PRPF8: variants seen among roughly 807,000 people sequenced by gnomAD.
PRPF8 encodes the protein pre-mRNA-processing-splicing factor 8.
A neutral mutation model predicts 285.9 loss-of-function variants in PRPF8; 64 were observed. That is an observed-to-expected ratio of 0.22 (90% CI 0.18 to 0.28). The LOEUF (loss-of-function observed/expected upper bound fraction) is 0.28, where lower values mean the gene tolerates loss of function less well. Ranked by LOEUF, PRPF8 falls within the 10% of genes least tolerant of loss-of-function variation. The pLI is 1.00. For missense variants in PRPF8, 1,426 were observed against 3,026.7 expected (o/e 0.47, Z 12.41); for synonymous variants, 1,325 against 1,118.2 (o/e 1.18, Z -3.69).
chr17:1,678,965 A>G, intron 11 of PRPF8, 52 bp downstream of exon 11: 1 of 1,613,694 alleles, frequency 6.2e-7, no homozygotes, highest in East Asian at 2.2e-5. Context: ...CCAGAGGAAA[A>G]CAACTGTCCG....
At chr17:1,664,332 T>A (rs1055270283) in intron 24 of PRPF8, among the ~76,000 whole-genome samples, 6 of 152,182 alleles carry the variant, frequency 3.9e-5, no homozygotes, top group Non-Finnish European at 8.8e-5. Flanking sequence ...TACTCCTCAG[T>A]AATCGATAGA....
At position 1,674,673 on chromosome 17, in the gene PRPF8, T is replaced by G; in HGVS notation, c.3068A>C (p.Asn1023Thr). The G allele has an allele frequency of 6.2e-7, 1 of 1,612,170 alleles. No individual in the cohort carries two copies. The highest frequency in any genetic ancestry group is 8.5e-7 in the Non-Finnish European group (1 of 1,178,416). ...GATGATCCCATATGAATTCGTATGG[T>G]TCATGTCCTAGAAAGAAAGAACTAC... ...NNVVINYKDM[N>T]HTNSYGIIRG... Residue 1023 changes from asparagine (N) to threonine (T), a missense_variant, in exon 21 of 43, where the codon AAC becomes ACC. Coordinates refer to ENST00000304992, the MANE Select transcript of PRPF8 (RefSeq NM_006445.4).
At chr17:1,682,329 G>A in intron 3 of PRPF8, 36 bp from the exon 4 acceptor site, 1 of 1,606,628 alleles carries the variant, frequency 6.2e-7, no homozygotes, top group Non-Finnish European at 8.5e-7. Flanking sequence ...TATCAGAAAT[G>A]ACGAGGTGTT....
chr17:1,676,685 C>T lies in PRPF8; in HGVS notation c.2208G>A (p.Glu736=). 6.2e-7 allele frequency: 1 copy of T among 1,614,134 alleles called. No homozygotes were observed. ...CCTTCACGTATCGAAGGATCATATT[C>T]TCTATGGGCGTCGGCAGCCCAGGGA... ...WKVPGLPTPI[E]NMILRYVKAK... Residue 736 remains glutamate, a synonymous_variant, in exon 16 of 43, where the codon GAG becomes GAA. Transcript: ENST00000304992. The surrounding 1 kb of genome is among the most constrained non-coding windows in gnomAD (Gnocchi z 6.3).
intron 24 of PRPF8, among the ~76,000 whole-genome samples, chr17:1,665,022 T>C (rs1911882165): frequency 6.6e-6 from 1 of 151,328 alleles, no homozygotes; most frequent in African/African-American, 2.4e-5. Flanking sequence ...TAGCTGGGTG[T>C]GGTGGCGGGC....
Position 1,673,882 on chromosome 17 carries a change from C to T in PRPF8, c.3310G>A (p.Asp1104Asn), listed in dbSNP as rs775388373. 6.8e-6 allele frequency: 11 copies of T among 1,613,502 alleles called. No homozygotes were observed. The highest frequency in any genetic ancestry group is 9.3e-6 in the Non-Finnish European group (11 of 1,180,004). ...CGTTGAATCAGGTCCCGAGCCTCAT[C>T]TGCTGTGAACCTACACCAGACCAGG... ...RIHIFFRFTA[D>N]EARDLIQRYL... is the part of the protein sequence containing the mutation. The change falls in exon 22 of 43, where the codon GAT (aspartate) becomes AAT (asparagine). Residue 1104 changes from aspartate to asparagine, a missense_variant. Asp to Asn is a conservative substitution (Grantham distance 23). This residue lies in a region of PRPF8 where 148 missense variants were observed against 196.2 expected (regional missense o/e 0.75). Transcript: ENST00000304992. This position sits in a 1 kb window ranked among gnomAD's most constrained non-coding sequence, Gnocchi z 5.5.
rs957586793 is a variant in PRPF8, at chr17:1,653,059, C to T, written c.6369+483G>A. 7.9e-6 allele frequency: 2 copies of T among 252,844 alleles called. No homozygotes were observed. Among genetic ancestry groups the T allele is most frequent in the African/African-American group, 4.5e-5 (2 of 44,912 alleles). 15.7% of individuals were successfully genotyped at this position (252,844 alleles called of 1,614,324 possible). On this transcript the variant is annotated intron_variant, in intron 39 of 42. Transcript: ENST00000304992. This position sits in a 1 kb window ranked among gnomAD's most constrained non-coding sequence, Gnocchi z 4.9. ...GTTCAAGCAATTCTCCTGTCTCAAC[C>T]TCCCTAGTAGCTGCAACTACGGGCG...
Position 1,679,912 on chromosome 17 carries a change from G to T in PRPF8, c.1099-113C>A. ...AGCCTGTATCTGCTATGGAAACTGGGCTGTCTGACAAAAGCAGCCCTGAAG... is the reference window on the plus strand; with the variant it reads ...AGCCTGTATCTGCTATGGAAACTGGTCTGTCTGACAAAAGCAGCCCTGAAG... On this transcript the variant is annotated intron_variant, in intron 8 of 42. Transcript: ENST00000304992. This position sits in a 1 kb window ranked among gnomAD's most constrained non-coding sequence, Gnocchi z 4.7. 1 of 1,296,332 alleles carries T rather than the reference G, an allele frequency of 7.7e-7. No homozygotes were observed. The allele number at this position is 1,296,332 out of a possible 1,614,324, so 80.3% of individuals were successfully genotyped here. A position where few individuals can be genotyped will look rare whatever the true frequency, so the allele number is the denominator to read the frequency against.
At chr17:1,678,680 G>A (rs764532202) in intron 12 of PRPF8, 28 bp from the exon 13 acceptor site, 1 of 1,614,100 alleles carries the variant, frequency 6.2e-7, no homozygotes, top group East Asian at 2.2e-5. Flanking sequence ...CATCAGACCT[G>A]GAGCTTAAAC....
chr17:1,661,446 A>G lies in PRPF8; in HGVS notation c.4203-40T>C. On this transcript the variant is annotated intron_variant, in intron 26 of 42. Transcript: ENST00000304992. The surrounding 1 kb of genome is among the most constrained non-coding windows in gnomAD (Gnocchi z 7.3). ...AAGATTCAAGTCAAAACGTGATCTCATATGAGGAGCTCAGCACTCCTTCCT... is the reference window on the plus strand; with the variant it reads ...AAGATTCAAGTCAAAACGTGATCTCGTATGAGGAGCTCAGCACTCCTTCCT... 2 of 1,613,990 alleles carry G rather than the reference A, an allele frequency of 1.2e-6. No individual in the cohort carries two copies. Among genetic ancestry groups the G allele is most frequent in the Non-Finnish European group, 1.7e-6 (2 of 1,180,018 alleles).
At position 1,659,989 on chromosome 17, in the gene PRPF8, C is replaced by A. The variant is rs749149403; in HGVS notation, c.4798G>T (p.Glu1600Ter). 6.2e-7 allele frequency: 1 copy of A among 1,614,128 alleles called. No homozygotes were observed. The change falls in exon 31 of 43, where the codon GAA (glutamate) becomes TAA (stop). Residue 1600 changes from glutamate to a stop codon, truncating the protein, a stop_gained. Coordinates refer to ENST00000304992, the MANE Select transcript of PRPF8 (RefSeq NM_006445.4). LOFTEE classifies it high-confidence loss of function. This position sits in a 1 kb window ranked among gnomAD's most constrained non-coding sequence, Gnocchi z 5.1. ...VMDLCQVFDQELDALEIETVQ... is the reference protein window; with the variant it reads ...VMDLCQVFDQ ...GTCTCAATTTCCAGTGCATCAAGTT[C>A]CTGGTCAAACACCTGAAGGAAAACA...
intron 24 of PRPF8, 99 bp downstream of exon 24, chr17:1,672,982 A>T (rs1912407210): frequency 2.7e-6 from 3 of 1,106,334 alleles, no homozygotes; most frequent in Admixed American, 3.4e-5. Flanking sequence ...TAAGCAAAGA[A>T]GAGAAGGAAG....
At position 1,673,245 on chromosome 17, in the gene PRPF8, G is replaced by C. The variant is rs549065686; in HGVS notation, c.3658-48C>G. ...ACATGTCCGAGGAACTCCCACAGAA[G>C]CAAGAGCCAACTGTGCCCACCACTC... On this transcript the variant is annotated intron_variant, in intron 23 of 42. Transcript: ENST00000304992. The surrounding 1 kb of genome is among the most constrained non-coding windows in gnomAD (Gnocchi z 5.5). 1.9e-6 allele frequency: 3 copies of C among 1,608,504 alleles called. No individual in the cohort carries two copies. The highest frequency in any genetic ancestry group is 2.7e-5 in the African/African-American group (2 of 74,934).
chr17:1,651,090 C>G lies in PRPF8; in HGVS notation c.6853+18G>C, dbSNP rs776820857. 2.5e-6 allele frequency: 4 copies of G among 1,614,188 alleles called. No individual in the cohort carries two copies. The highest frequency in any genetic ancestry group is 3.4e-6 in the Non-Finnish European group (4 of 1,180,012). On this transcript the variant is annotated intron_variant, in intron 42 of 42. Coordinates refer to ENST00000304992, the MANE Select transcript of PRPF8 (RefSeq NM_006445.4). The surrounding 1 kb of genome is among the most constrained non-coding windows in gnomAD (Gnocchi z 5.1). ...ATCCCTACTGCTATCCCCACATCCCCAGGCTCCTCCCACTTACCCATGAAG... is the reference window on the plus strand; with the variant it reads ...ATCCCTACTGCTATCCCCACATCCCGAGGCTCCTCCCACTTACCCATGAAG...
intron 24 of PRPF8, among the ~76,000 whole-genome samples, chr17:1,667,538 CTTTT>C (rs34888623): frequency 2.3e-4 from 23 of 102,026 alleles, no homozygotes; most frequent in Non-Finnish European, 3.5e-4. Flanking sequence ...CATGACATAG[CTTTT>C]TTTTTTTTTT....
chr17:1,655,529 G>A lies in PRPF8; in HGVS notation c.5808C>T (p.Leu1936=), dbSNP rs760119460. ...CATGTAGGGCACGCAGAATCAGGAT[G>A]AGACGGGAGAAGGCCTGGGAAAAGA... ...TISSYTAFSR[L]ILILRALHVN... The change falls in exon 37 of 43, where the codon CTC becomes CTT. Residue 1936 remains leucine, a synonymous_variant. Coordinates refer to ENST00000304992, the MANE Select transcript of PRPF8 (RefSeq NM_006445.4). 1.1e-5 allele frequency: 17 copies of A among 1,613,400 alleles called. No individual in the cohort carries two copies. In the East Asian group the frequency reaches 3.3e-4, roughly 32 times the overall value.
In PRPF8 at chr17:1,676,694, C is replaced by G. The variant is rs777885967; in HGVS notation, c.2199G>C (p.Thr733=). 1 of 1,613,908 alleles carries G rather than the reference C, an allele frequency of 6.2e-7. No individual in the cohort carries two copies. Among genetic ancestry groups the G allele is most frequent in the Admixed American group, 1.7e-5 (1 of 59,990 alleles). The change falls in exon 16 of 43, where the codon ACG becomes ACC. Residue 733 remains threonine, a synonymous_variant. Coordinates refer to ENST00000304992, the MANE Select transcript of PRPF8 (RefSeq NM_006445.4). The surrounding 1 kb of genome is among the most constrained non-coding windows in gnomAD (Gnocchi z 6.3). ...ATCGAAGGATCATATTCTCTATGGG[C>G]GTCGGCAGCCCAGGGACCTAAAAGT... ...NIPWKVPGLP[T]PIENMILRYV...
At chr17:1,682,741 T>C (rs1913004869) in intron 3 of PRPF8, among the ~76,000 whole-genome samples, 2 of 152,218 alleles carry the variant, frequency 1.3e-5, no homozygotes, top group South Asian at 2.1e-4. Flanking sequence ...TCTCTAAGTA[T>C]TTTTTGAAAT....
At position 1,661,603 on chromosome 17, in the gene PRPF8, G is replaced by A. The variant is rs188381389; in HGVS notation, c.4202+8C>T. On this transcript the variant is annotated splice_region_variant and intron_variant, in intron 26 of 42. Transcript: ENST00000304992. The surrounding 1 kb of genome is among the most constrained non-coding windows in gnomAD (Gnocchi z 7.3). ...CCCCAGGGTTGGCATGCCCTCCTAG[G>A]TGCCCACCTGTTCTGAGCAATGGCC... 6.2e-7 allele frequency: 1 copy of A among 1,612,750 alleles called. No individual in the cohort carries two copies. The highest frequency in any genetic ancestry group is 1.3e-5 in the African/African-American group (1 of 74,994).
Sources: gnomAD v4.1 joint callset for allele counts (sites outside exome capture counted in the v4.1 genomes callset) on GRCh38, gnomAD v4.1.1 for gene constraint, gnomAD v4.1.1 regional missense constraint, Gnocchi (gnomAD v3.1) non-coding constraint, MANE v1.5 for transcripts, NCBI Gene and HGNC (gene_info 2026-07-23, HGNC 2026-07-21) for gene names.